ZBED3: variants seen among roughly 807,000 people sequenced by gnomAD.
ZBED3 encodes zinc finger BED domain-containing protein 3.
For missense variants in ZBED3, 388 were observed against 362.9 expected (o/e 1.07, Z -0.56); for synonymous variants, 175 against 180.0 (o/e 0.97, Z 0.22).
chr5:77,077,985 C>A (rs1743060769), intron 2 of ZBED3, 90 bp from the exon 3 acceptor site: 1 of 941,842 alleles, frequency 1.1e-6, no homozygotes. Context: ...TGCCGCCCTC[C>A]ATTTTCTTAC....
chr5:77,078,268 A>G (rs1328059950), intron 2 of ZBED3, among the ~76,000 whole-genome samples: 1 of 152,196 alleles, frequency 6.6e-6, no homozygotes, highest in Non-Finnish European at 1.5e-5. Context: ...CAACGACAAC[A>G]ATAAAAAAGG....
At chr5:77,081,463 C>T (rs547157997) in intron 1 of ZBED3, among the ~76,000 whole-genome samples, 1 of 152,022 alleles carries the variant, frequency 6.6e-6, no homozygotes, top group South Asian at 2.1e-4. Context: ...GATCCTCCCA[C>T]CTCAGCCTCC....
At position 77,078,601 on chromosome 5, in the gene ZBED3, T is replaced by A. The variant is rs1743072705; in HGVS notation, c.-25A>T. The stretch of plus-strand genomic sequence containing the variant: ...AGCATTCTAAATTTTTACCTTTAAA[T>A]TAGACAGTGGGTAATTTCCCAAGGA... On this transcript the variant is annotated 5_prime_UTR_variant, in exon 2 of 3. Transcript: ENST00000255198. 6.6e-6 allele frequency: 1 copy of A among 152,254 alleles called. No individual in the cohort carries two copies. Among genetic ancestry groups the A allele is most frequent in the African/African-American group, 2.4e-5 (1 of 41,474 alleles). 9.4% of individuals were successfully genotyped at this position (152,254 alleles called of 1,614,324 possible).
Position 77,077,778 on chromosome 5 carries a change from GT to G in ZBED3, c.100del (p.Thr34ArgfsTer60). 2 of 1,314,482 alleles carry G rather than the reference GT, an allele frequency of 1.5e-6. No individual in the cohort carries two copies. Among genetic ancestry groups the G allele is most frequent in the Non-Finnish European group, 1.9e-6 (2 of 1,035,766 alleles). The allele number at this position is 1,314,482 out of a possible 1,614,324, so 81.4% of individuals were successfully genotyped here. A position where few individuals can be genotyped will look rare whatever the true frequency, so the allele number is the denominator to read the frequency against. On this transcript the variant is annotated frameshift_variant, in exon 3 of 3. Coordinates refer to ENST00000255198, the MANE Select transcript of ZBED3 (RefSeq NM_032367.4). LOFTEE classifies it low-confidence loss of function (END_TRUNC). Reference sequence around the variant, plus strand: ...CCCCAGGCGGCCGGGAGGCGTCGGCGTCGGCGCCGGCCCCAGTCCCGGACAC... The same window carrying G: ...CCCCAGGCGGCCGGGAGGCGTCGGCGCGGCGCCGGCCCCAGTCCCGGACAC... ...GQCPGLGPAP[T>X]PTPPGRLGAP...
Position 77,077,248 on chromosome 5 carries a change from C to T in ZBED3, c.631G>A (p.Ala211Thr). 1.4e-6 allele frequency: 2 copies of T among 1,470,556 alleles called. No homozygotes were observed. The highest frequency in any genetic ancestry group is 2.4e-5 in the Admixed American group (1 of 42,310). 91.1% of individuals were successfully genotyped at this position (1,470,556 alleles called of 1,614,324 possible). The change falls in exon 3 of 3, where the codon GCT becomes ACT. Residue 211 changes from alanine (A) to threonine (T), a missense_variant. By Grantham distance (58) the Ala-to-Thr change is moderately conservative. Transcript: ENST00000255198. The stretch of plus-strand genomic sequence containing the variant: ...TCGTCCTTGAGCGGCGGCGGCGCAG[C>T]GGGGGCCCAGCCCAGGGCGCCCTCA... ...RREGALGWAP[A>T]APPPLKDDPE...
chr5:77,081,174 T>TA (rs1288291430), intron 1 of ZBED3, among the ~76,000 whole-genome samples: 1 of 152,152 alleles, frequency 6.6e-6, no homozygotes, highest in Non-Finnish European at 1.5e-5. Flanking sequence ...GAAATGCTAT[T>TA]AAAGTAGCAA....
chr5:77,083,249 A>C (rs1303653382), intron 1 of ZBED3, among the ~76,000 whole-genome samples: 1 of 152,214 alleles, frequency 6.6e-6, no homozygotes, highest in Non-Finnish European at 1.5e-5. Context: ...GGACAGTCCC[A>C]TGGGGAAGCC....
rs756120009 is a variant in ZBED3 at position 77,076,968 on chromosome 5, G to A, written c.*206C>T. ...GCCCAGGCACCCCCGGTGACCCCAT[G>A]GAAGTGAGTTTTGGTTCTGCTCTGG... On this transcript the variant is annotated 3_prime_UTR_variant, in exon 3 of 3. Transcript: ENST00000255198. 3 of 398,160 alleles carry A rather than the reference G, an allele frequency of 7.5e-6. No homozygotes were observed. The highest frequency in any genetic ancestry group is 1.3e-5 in the Non-Finnish European group (3 of 232,080). The allele number at this position is 398,160 out of a possible 1,614,324, so 24.7% of individuals were successfully genotyped here. A position where few individuals can be genotyped will look rare whatever the true frequency, so the allele number is the denominator to read the frequency against.
In ZBED3 at chr5:77,072,098, TACTGTGA is replaced by T. The variant is rs1043805765; in HGVS notation, c.*5069_*5075del. The T allele has an allele frequency of 1.3e-5, 2 of 152,240 alleles. No individual in the cohort carries two copies. The highest frequency in any genetic ancestry group is 2.9e-5 in the Non-Finnish European group (2 of 68,042). 9.4% of individuals were successfully genotyped at this position (152,240 alleles called of 1,614,324 possible). On this transcript the variant is annotated 3_prime_UTR_variant, in exon 3 of 3. Transcript: ENST00000255198. Reference sequence around the variant, plus strand: ...GTTTTTCCTTAAAGCCTCATTTTAATACTGTGAAACCAGATTTCAGAGAATGTCATAA... The same window carrying T: ...GTTTTTCCTTAAAGCCTCATTTTAATAACCAGATTTCAGAGAATGTCATAA...
chr5:77,077,795 T>A lies in ZBED3; in HGVS notation c.84A>T (p.Gly28=). 7.7e-7 allele frequency: 1 copy of A among 1,306,824 alleles called. No homozygotes were observed. The highest frequency in any genetic ancestry group is 9.7e-7 in the Non-Finnish European group (1 of 1,033,546). The allele number at this position is 1,306,824 out of a possible 1,614,324, so 81.0% of individuals were successfully genotyped here. The change falls in exon 3 of 3, where the codon GGA becomes GGT. Residue 28 remains glycine, a synonymous_variant. Coordinates refer to ENST00000255198, the MANE Select transcript of ZBED3 (RefSeq NM_032367.4). ...GCGTCGGCGTCGGCGCCGGCCCCAG[T>A]CCCGGACACTGACCGCCCCGCGCCG... is the stretch of plus-strand genomic sequence containing the variant. ...DAAARGGQCP[G]LGPAPTPTPP... is the part of the protein sequence containing the mutation.
Position 77,074,296 on chromosome 5 carries a change from C to T in ZBED3, c.*2878G>A, listed in dbSNP as rs1319638940. Reference sequence around the variant, plus strand: ...TAAATCAACATTGGCTTAGGACAATCCCTTTGGCTTTGGCGAAATTGTGAC... The same window carrying T: ...TAAATCAACATTGGCTTAGGACAATTCCTTTGGCTTTGGCGAAATTGTGAC... On this transcript the variant is annotated 3_prime_UTR_variant, in exon 3 of 3. Transcript: ENST00000255198. 2 of 152,168 alleles carry T rather than the reference C, an allele frequency of 1.3e-5. No homozygotes were observed. Among genetic ancestry groups the T allele is most frequent in the African/African-American group, 4.8e-5 (2 of 41,404 alleles). 9.4% of individuals were successfully genotyped at this position (152,168 alleles called of 1,614,324 possible). A position where few individuals can be genotyped will look rare whatever the true frequency, so the allele number is the denominator to read the frequency against.
chr5:77,077,340 TG>T lies in ZBED3; in HGVS notation c.538del (p.Gln180ArgfsTer20), dbSNP rs1561297247. On this transcript the variant is annotated frameshift_variant, in exon 3 of 3. Coordinates refer to ENST00000255198, the MANE Select transcript of ZBED3 (RefSeq NM_032367.4). LOFTEE classifies it low-confidence loss of function (END_TRUNC). ...ALQEEERAAA[Q>X]ARRELQAERE... The stretch of plus-strand genomic sequence containing the variant: ...CTCGGCCTGCAGTTCCCGGCGCGCC[TG>T]GGCCGCGGCGCGCTCTTCCTCCTGC... 7.9e-7 allele frequency: 1 copy of T among 1,258,092 alleles called. No homozygotes were observed. Among genetic ancestry groups the T allele is most frequent in the Admixed American group, 4.3e-5 (1 of 23,388 alleles). The allele number at this position is 1,258,092 out of a possible 1,614,324, so 77.9% of individuals were successfully genotyped here.
chr5:77,080,508 T>A (rs751181751), intron 1 of ZBED3: 6 of 518,824 alleles, frequency 1.2e-5, no homozygotes, highest in Non-Finnish European at 3.8e-6. Flanking sequence ...GCCCTTCGAT[T>A]TTGGAGGTCT....
chr5:77,086,831 G>C (rs1287462400), intron 1 of ZBED3: 3 of 152,344 alleles, frequency 2.0e-5, no homozygotes, highest in Non-Finnish European at 2.9e-5. Context: ...GAGTGGTGAC[G>C]AATTTCCACA....
rs1279244031 is a variant in ZBED3, at chr5:77,073,646, T to C, written c.*3528A>G. On this transcript the variant is annotated 3_prime_UTR_variant, in exon 3 of 3. Coordinates refer to ENST00000255198, the MANE Select transcript of ZBED3 (RefSeq NM_032367.4). The stretch of plus-strand genomic sequence containing the variant: ...ACCAAACAGTCCAATAACTGACGCA[T>C]TAAATCTTTATTGACTAAACAGCTT... 1 of 152,226 alleles carries C rather than the reference T, an allele frequency of 6.6e-6. No individual in the cohort carries two copies. Among genetic ancestry groups the C allele is most frequent in the East Asian group, 1.9e-4 (1 of 5,200 alleles). 9.4% of individuals were successfully genotyped at this position (152,226 alleles called of 1,614,324 possible).
intron 1 of ZBED3, among the ~76,000 whole-genome samples, chr5:77,080,799 T>G (rs973293097): frequency 2.0e-5 from 3 of 151,980 alleles, no homozygotes; most frequent in African/African-American, 4.8e-5. Flanking sequence ...TGGGGTGGCG[T>G]GGGAGGGATA....
chr5:77,080,617 A>G (rs2150741643), intron 1 of ZBED3: 1 of 519,036 alleles, frequency 1.9e-6, no homozygotes, highest in Admixed American at 1.9e-5. Flanking sequence ...CAGTCTCAGT[A>G]TCTGCTGAGT....
In ZBED3 at chr5:77,075,983, ATATATATATGTATATATG is replaced by A. The variant is rs1444327900; in HGVS notation, c.*1173_*1190del. ...TATATATATGTATATGTATATATGT[ATATATATATGTATATATG>A]TATATATATATGTATATATGTATAT... is the stretch of plus-strand genomic sequence containing the variant. On this transcript the variant is annotated 3_prime_UTR_variant, in exon 3 of 3. Coordinates refer to ENST00000255198, the MANE Select transcript of ZBED3 (RefSeq NM_032367.4). 10 of 39,234 alleles carry A rather than the reference ATATATATATGTATATATG, an allele frequency of 2.5e-4. 3 individuals are homozygous for A. Among genetic ancestry groups the A allele is most frequent in the African/African-American group, 8.3e-4 (8 of 9,592 alleles). The allele number at this position is 39,234 out of a possible 1,614,324, so 2.4% of individuals were successfully genotyped here.
chr5:77,077,440 C>A lies in ZBED3; in HGVS notation c.439G>T (p.Glu147Ter). ...GALAVRGSRR[E>*]RELERRELAV... ...AGCTCGCGCCGCTCCAGCTCCCGCT[C>A]CCGCCGGCTGCCGCGCACGGCCAGC... The change falls in exon 3 of 3, where the codon GAG becomes TAG. Residue 147 changes from glutamate to a stop codon, truncating the protein, a stop_gained. Coordinates refer to ENST00000255198, the MANE Select transcript of ZBED3 (RefSeq NM_032367.4). LOFTEE classifies it low-confidence loss of function (END_TRUNC). The A allele has an allele frequency of 8.2e-7, 1 of 1,216,754 alleles. No individual in the cohort carries two copies. The highest frequency in any genetic ancestry group is 1.0e-6 in the Non-Finnish European group (1 of 977,152). The allele number at this position is 1,216,754 out of a possible 1,614,324, so 75.4% of individuals were successfully genotyped here. A position where few individuals can be genotyped will look rare whatever the true frequency, so the allele number is the denominator to read the frequency against.
Sources: allele counts gnomAD v4.1 joint callset (sites outside exome capture counted in the v4.1 genomes callset), GRCh38; gene constraint gnomAD v4.1.1; transcripts MANE v1.5; gene names NCBI Gene and HGNC (gene_info 2026-07-23, HGNC 2026-07-21).